MTUS2: variants seen among roughly 807,000 people sequenced by gnomAD.
MTUS2 encodes the protein microtubule associated scaffold protein 2, also known as microtubule-associated tumor suppressor candidate 2.
MTUS2 carries 40 observed loss-of-function variants against 114.1 expected under a neutral mutation model. The observed-to-expected ratio is 0.35, with a 90% CI of 0.27 to 0.46. The LOEUF is 0.46. Ranked by LOEUF, MTUS2 falls within the 20% of genes least tolerant of loss-of-function variation. MTUS2 has a pLI of 1.00. For synonymous variants in MTUS2, 688 were observed against 672.0 expected (o/e 1.02, Z -0.37); for missense variants, 1,679 against 1,705.4 (o/e 0.98, Z 0.27).
chr13:28,929,052 T>G (rs754624818), intron 2 of MTUS2, among the ~76,000 whole-genome samples: 1 of 151,590 alleles, frequency 6.6e-6, no homozygotes. Context: ...CTAAGTGAAA[T>G]AAGCCAAGCA....
chr13:29,415,361 C>T (rs943449013), intron 8 of MTUS2, among the ~76,000 whole-genome samples: 2 of 152,086 alleles, frequency 1.3e-5, no homozygotes, highest in East Asian at 1.9e-4. Context: ...AGTAGAAAAA[C>T]TCCTTCATAA....
intron 9 of MTUS2, among the ~76,000 whole-genome samples, chr13:29,443,065 G>C (rs1267353905): frequency 1.3e-5 from 2 of 152,154 alleles, no homozygotes; most frequent in African/African-American, 2.4e-5. Context: ...CCAAGGCTTG[G>C]CAGTTCTGAG....
intron 2 of MTUS2, among the ~76,000 whole-genome samples, chr13:28,896,050 G>A (rs191088900): frequency 1.4e-3 from 216 of 152,158 alleles, no homozygotes; most frequent in African/African-American, 4.4e-3. Flanking sequence ...CATTTTTATC[G>A]GCAGTGTCTC....
In MTUS2 at chr13:29,390,666, G is replaced by A. The variant is rs867935345; in HGVS notation, c.3117+31193G>A. ...GACTCCATCTCAAAAAAAAAAAAAA[G>A]AAAGAAAGAAAATATGTATTAGGGT... On this transcript the variant is annotated intron_variant, in intron 8 of 15. Transcript: ENST00000612955. 6.6e-4 allele frequency among the ~76,000 whole-genome samples: 91 copies of A among 138,032 alleles called. 1 individual carries two copies. Among genetic ancestry groups the A allele is most frequent in the African/African-American group, 2.9e-3 (86 of 30,168 alleles). 90.6% of individuals were successfully genotyped at this position (138,032 alleles called of 152,430 possible).
At chr13:29,088,153 C>A (rs1593462769) in intron 4 of MTUS2, among the ~76,000 whole-genome samples, 1 of 151,732 alleles carries the variant, frequency 6.6e-6, no homozygotes, top group Admixed American at 6.6e-5. Context: ...TTAGCTGTGT[C>A]CCAGAGATTC....
chr13:29,256,758 G>C (rs3011444), intron 5 of MTUS2, among the ~76,000 whole-genome samples: 148,290 of 152,328 alleles, frequency 0.97, 72,306 homozygotes, highest in East Asian at 1. Flanking sequence ...ACACCAGCTT[G>C]CTCTGCTTTA....
intron 2 of MTUS2, among the ~76,000 whole-genome samples, chr13:28,958,271 C>CA (rs1377148949): frequency 2.6e-5 from 4 of 152,204 alleles, no homozygotes; most frequent in Non-Finnish European, 4.4e-5. Context: ...GGCGTTTTCC[C>CA]AGCTGTCTGT....
intron 8 of MTUS2, among the ~76,000 whole-genome samples, chr13:29,375,435 CAATT>C (rs1871524314): frequency 1.6e-5 from 2 of 121,952 alleles, no homozygotes; most frequent in Admixed American, 1.8e-4. Flanking sequence ...GCAAAAACCG[CAATT>C]ACTTACTTTT....
intron 2 of MTUS2, among the ~76,000 whole-genome samples, chr13:28,844,994 C>T (rs1875771367): frequency 6.6e-6 from 1 of 152,104 alleles, no homozygotes; most frequent in Non-Finnish European, 1.5e-5. Flanking sequence ...TTCACCTTAT[C>T]ACCCAGGCTG....
intron 6 of MTUS2, among the ~76,000 whole-genome samples, chr13:29,304,352 A>G (rs1333409147): frequency 6.6e-6 from 1 of 152,214 alleles, no homozygotes; most frequent in Non-Finnish European, 1.5e-5. Context: ...GGCAAGCTGG[A>G]TAAAGAGCCA....
chr13:28,992,205 C>T (rs1884892965), intron 2 of MTUS2, among the ~76,000 whole-genome samples: 1 of 152,326 alleles, frequency 6.6e-6, no homozygotes, highest in Non-Finnish European at 1.5e-5. Context: ...AGTGTCTTAG[C>T]AGCAACTCCT....
chr13:29,036,066 C>T (rs1887048999), intron 4 of MTUS2, among the ~76,000 whole-genome samples: 1 of 150,076 alleles, frequency 6.7e-6, no homozygotes, highest in East Asian at 2.0e-4. Flanking sequence ...GTCACTTGAA[C>T]CCAAGAGACA....
intron 2 of MTUS2, among the ~76,000 whole-genome samples, chr13:28,889,697 C>A (rs190248857): frequency 6.6e-6 from 1 of 152,108 alleles, no homozygotes; most frequent in Non-Finnish European, 1.5e-5. Context: ...GGACAAAACA[C>A]TAAACTCTGA....
chr13:29,114,282 G>A (rs921052606), intron 5 of MTUS2, among the ~76,000 whole-genome samples: 1 of 152,106 alleles, frequency 6.6e-6, no homozygotes, highest in African/African-American at 2.4e-5. Context: ...CTTTGTATAG[G>A]AGTTGGGACT....
chr13:29,499,355 A>G (rs1011554111), intron 14 of MTUS2, among the ~76,000 whole-genome samples: 3 of 152,218 alleles, frequency 2.0e-5, no homozygotes, highest in Admixed American at 2.0e-4. Context: ...GGAGTGGAGG[A>G]GAAGCCTCCT....
At chr13:28,853,358 C>A (rs761554161) in intron 2 of MTUS2, among the ~76,000 whole-genome samples, 2 of 152,212 alleles carry the variant, frequency 1.3e-5, no homozygotes, top group Non-Finnish European at 2.9e-5. Context: ...TTACATATTC[C>A]TCTTCTCTAG....
intron 5 of MTUS2, among the ~76,000 whole-genome samples, chr13:29,218,670 C>CT (rs1485936371): frequency 6.6e-6 from 1 of 152,172 alleles, no homozygotes; most frequent in Non-Finnish European, 1.5e-5. Context: ...AATAAGTGTC[C>CT]TTTTTCATCT....
At chr13:28,941,720 T>A (rs1481384304) in intron 2 of MTUS2, among the ~76,000 whole-genome samples, 2 of 139,472 alleles carry the variant, frequency 1.4e-5, no homozygotes, top group Non-Finnish European at 2.9e-5. Context: ...TGAATATTCT[T>A]TGGTACATCA....
intron 5 of MTUS2, among the ~76,000 whole-genome samples, chr13:29,185,339 A>G (rs1894178115): frequency 6.6e-6 from 1 of 152,162 alleles, no homozygotes. Context: ...AGGAAAGGAG[A>G]AAAAGAAAGG....
Sources: gnomAD v4.1 joint callset for allele counts (sites outside exome capture counted in the v4.1 genomes callset) on GRCh38, gnomAD v4.1.1 for gene constraint, MANE v1.5 for transcripts, NCBI Gene and HGNC (gene_info 2026-07-23, HGNC 2026-07-21) for gene names.